The following SLC35F4 variants were observed in gnomAD, a reference collection of about 807,000 sequenced individuals.
SLC35F4 encodes solute carrier family 35 member F4, also known as chromosome 14 open reading frame 36.
SLC35F4 carries 24 observed loss-of-function variants against 44.2 expected under a neutral mutation model. That is an observed-to-expected ratio of 0.54 (90% CI 0.39 to 0.76). The LOEUF is 0.76. Ranked by LOEUF, SLC35F4 falls within the 30% of genes least tolerant of loss-of-function variation. The probability of loss-of-function intolerance (pLI) is 0.00; values close to 1 mark genes in which losing one functional copy is unlikely to be tolerated. For synonymous variants in SLC35F4, 238 were observed against 223.6 expected (o/e 1.06, Z -0.57); for missense variants, 562 against 586.1 (o/e 0.96, Z 0.42).
In SLC35F4 at chr14:57,564,092, T is replaced by G. The variant is rs766695878; in HGVS notation, c.*43A>C. 3.1e-6 allele frequency: 5 copies of G among 1,601,336 alleles called. No homozygotes were observed. The highest frequency in any genetic ancestry group is 4.3e-6 in the Non-Finnish European group (5 of 1,171,002). Reference sequence around the variant, plus strand: ...CAGGTAGTGAGAAAATTTTGTTATATTCACAGAATATACATACACGTGCAT... The same window carrying G: ...CAGGTAGTGAGAAAATTTTGTTATAGTCACAGAATATACATACACGTGCAT... On this transcript the variant is annotated 3_prime_UTR_variant, in exon 8 of 8. Transcript: ENST00000556826.
intron 1 of SLC35F4, among the ~76,000 whole-genome samples, chr14:57,913,531 C>T (rs1889257636): frequency 6.6e-6 from 1 of 152,048 alleles, no homozygotes; most frequent in Non-Finnish European, 1.5e-5. Flanking sequence ...TACTACTTTA[C>T]AGGTTTAGTA....
chr14:57,897,002 CT>C (rs1286381779), intron 1 of SLC35F4, among the ~76,000 whole-genome samples: 3 of 152,136 alleles, frequency 2.0e-5, no homozygotes, highest in African/African-American at 7.2e-5. Flanking sequence ...ATAAACTATA[CT>C]AAGGTACTTA....
At chr14:57,887,663 G>T (rs1162735586) in intron 1 of SLC35F4, among the ~76,000 whole-genome samples, 2 of 152,148 alleles carry the variant, frequency 1.3e-5, no homozygotes, top group African/African-American at 4.8e-5. Context: ...CTCTCCTGCT[G>T]TCAAGGGAGC....
At position 57,830,630 on chromosome 14, in the gene SLC35F4, A is replaced by G. The variant is rs560683885; in HGVS notation, c.103+35093T>C. ...TAAAATCTCATAATTAAATGAGCCA[A>G]TATGGTTCTGGATGGCTCTGCTCAG... On this transcript the variant is annotated intron_variant, in intron 1 of 7. Coordinates refer to ENST00000556826, the MANE Select transcript of SLC35F4 (RefSeq NM_001306087.2). Among the ~76,000 whole-genome samples the G allele has an allele frequency of 2.9e-3, 445 of 152,294 alleles. 2 individuals carry two copies. Among genetic ancestry groups the G allele is most frequent in the African/African-American group, 0.01 (419 of 41,572 alleles).
downstream of SLC35F4, among the ~76,000 whole-genome samples, chr14:57,972,723 TCA>T (rs1881089397): frequency 7.9e-5 from 12 of 152,290 alleles, no homozygotes; most frequent in African/African-American, 2.6e-4. Flanking sequence ...AGCAGCCAAA[TCA>T]TCTTCATGGC....
intron 1 of SLC35F4, among the ~76,000 whole-genome samples, chr14:57,654,602 G>A (rs1335358748): frequency 5.9e-5 from 9 of 152,182 alleles, no homozygotes; most frequent in Non-Finnish European, 1.0e-4. Context: ...CCTCTGGGTA[G>A]ATACCCATAG....
chr14:57,730,905 A>G (rs187985177), intron 1 of SLC35F4, among the ~76,000 whole-genome samples: 178 of 152,328 alleles, frequency 1.2e-3, no homozygotes, highest in South Asian at 2.9e-3. Flanking sequence ...TCAAAATGTC[A>G]TATTACATGG....
intron 1 of SLC35F4, among the ~76,000 whole-genome samples, chr14:57,927,518 T>A (rs1594630723): frequency 6.7e-6 from 1 of 149,940 alleles, no homozygotes; most frequent in East Asian, 2.0e-4. Flanking sequence ...TGAGACAGAG[T>A]CTCACTCTGT....
At chr14:57,971,827 C>G (rs1040871093), downstream of SLC35F4, among the ~76,000 whole-genome samples, 1 of 152,112 alleles carries the variant, frequency 6.6e-6, no homozygotes, top group African/African-American at 2.4e-5. Flanking sequence ...AGCATGGTGA[C>G]TATAGTTAAT....
intron 1 of SLC35F4, among the ~76,000 whole-genome samples, chr14:57,728,169 T>G (rs1438800275): frequency 3.3e-5 from 5 of 152,192 alleles, no homozygotes; most frequent in African/African-American, 1.2e-4. Flanking sequence ...GTTTTTGTCT[T>G]GAAATATATT....
chr14:57,921,465 G>A (rs1278228320), intron 1 of SLC35F4, among the ~76,000 whole-genome samples: 1 of 152,208 alleles, frequency 6.6e-6, no homozygotes, highest in African/African-American at 2.4e-5. Flanking sequence ...AAGCTGGAGT[G>A]ATAATAGTAC....
intron 1 of SLC35F4, among the ~76,000 whole-genome samples, chr14:57,732,587 A>T (rs1235730503): frequency 6.6e-6 from 1 of 152,168 alleles, no homozygotes; most frequent in Admixed American, 6.6e-5. Context: ...GAGCCCTTCA[A>T]TTGTAGTAAC....
In SLC35F4 at chr14:57,981,351, G is replaced by A. The variant is rs866492112; in HGVS notation, n.151+562C>T. On this transcript the variant is annotated intron_variant and non_coding_transcript_variant, in intron 1 of 1. Transcript: ENST00000554648. ...AAAAACTTAGCACCGTCTCTGCAGC[G>A]TGGGAAATGGGTGCTTGGGTGCTTA... 1.4e-4 allele frequency among the ~76,000 whole-genome samples: 21 copies of A among 152,242 alleles called. No homozygotes were observed. The Middle Eastern group carries it at 0.014, about 99-fold the overall frequency.
chr14:57,736,403 A>G (rs192704116), intron 1 of SLC35F4, among the ~76,000 whole-genome samples: 2 of 152,200 alleles, frequency 1.3e-5, no homozygotes, highest in Admixed American at 6.5e-5. Flanking sequence ...ACCAGCTGTG[A>G]TATGTATTTA....
At chr14:57,817,446 C>T (rs72713070) in intron 1 of SLC35F4, among the ~76,000 whole-genome samples, 64 of 152,164 alleles carry the variant, frequency 4.2e-4, no homozygotes, top group Admixed American at 7.2e-4. Context: ...CTTCACGTGA[C>T]GAGGCTTTTC....
At chr14:57,800,102 G>A (rs1049667067) in intron 1 of SLC35F4, among the ~76,000 whole-genome samples, 2 of 152,170 alleles carry the variant, frequency 1.3e-5, no homozygotes, top group East Asian at 1.9e-4. Flanking sequence ...CTACAGGCAC[G>A]TTTGGGCCGG....
intron 1 of SLC35F4, among the ~76,000 whole-genome samples, chr14:57,697,696 G>C (rs1467140824): frequency 2.3e-4 from 2 of 8,562 alleles, no homozygotes; most frequent in Non-Finnish European, 4.9e-4. Context: ...GTGAGACCCT[G>C]TTTAAAAAAA....
chr14:57,579,298 A>T (rs2069058704), intron 4 of SLC35F4: 1 of 152,250 alleles, frequency 6.6e-6, no homozygotes, highest in Non-Finnish European at 1.5e-5. Context: ...CCCACTGCAG[A>T]TGGCAAATTT....
intron 1 of SLC35F4, among the ~76,000 whole-genome samples, chr14:57,730,052 T>C (rs1189279649): frequency 6.6e-6 from 1 of 152,208 alleles, no homozygotes; most frequent in Non-Finnish European, 1.5e-5. Flanking sequence ...AGGGCACAGA[T>C]GGTCTCTCTG....
Sources: allele counts gnomAD v4.1 joint callset (sites outside exome capture counted in the v4.1 genomes callset), GRCh38; gene constraint gnomAD v4.1.1; transcripts MANE v1.5; gene names NCBI Gene and HGNC (gene_info 2026-07-23, HGNC 2026-07-21).